The following ZNF365 variants were observed in gnomAD, a reference collection of about 807,000 sequenced individuals.
ZNF365 encodes the protein protein ZNF365.
ZNF365 carries 22 observed loss-of-function variants against 35.0 expected under a neutral mutation model. That is an observed-to-expected ratio of 0.63 (90% CI 0.45 to 0.90). The LOEUF (loss-of-function observed/expected upper bound fraction) is 0.90, where lower values mean the gene tolerates loss of function less well. Ranked by LOEUF, ZNF365 falls within the 40% of genes least tolerant of loss-of-function variation. The pLI is 0.00. For missense variants in ZNF365, 448 were observed against 500.3 expected, an observed-to-expected ratio of 0.90 and a Z score of 1.00; for synonymous variants, 188 against 196.2, an observed-to-expected ratio of 0.96 and a Z score of 0.35.
Position 62,388,510 on chromosome 10 carries a change from G to A in ZNF365, c.858G>A (p.Glu286=). ...TGTTACAGCGGGTAGAACTGGCGGA[G>A]AAGCAGCTTGAGTACTATCAGAGCC... ...ENLLQRVELA[E]KQLEYYQSQQ... Residue 286 remains glutamate (E), a synonymous_variant, in exon 3 of 5, where the codon GAG becomes GAA. Transcript: ENST00000395254. The A allele has an allele frequency of 6.2e-7, 1 of 1,614,204 alleles. No individual in the cohort carries two copies. The highest frequency in any genetic ancestry group is 8.5e-7 in the Non-Finnish European group (1 of 1,180,032).
At chr10:62,432,920 T>C (rs1363831806) in intron 3 of ZNF365, among the ~76,000 whole-genome samples, 1 of 152,194 alleles carries the variant, frequency 6.6e-6, no homozygotes, top group Non-Finnish European at 1.5e-5. Flanking sequence ...CATGGAGATC[T>C]TTCCCAGTAA....
chr10:62,405,969 A>G (rs1458305445), downstream of ZNF365, among the ~76,000 whole-genome samples: 3 of 152,218 alleles, frequency 2.0e-5, no homozygotes, highest in Non-Finnish European at 2.9e-5. Flanking sequence ...CACTTCTCAT[A>G]TAGTCCTAAA....
chr10:62,386,677 C>T (rs1003146723), intron 2 of ZNF365, among the ~76,000 whole-genome samples: 3 of 152,202 alleles, frequency 2.0e-5, no homozygotes, highest in African/African-American at 7.2e-5. Flanking sequence ...AAAAGTGGCA[C>T]ACTGACTATT....
intron 3 of ZNF365, among the ~76,000 whole-genome samples, chr10:62,398,481 T>G (rs1350564982): frequency 1.3e-5 from 2 of 152,158 alleles, no homozygotes; most frequent in Non-Finnish European, 2.9e-5. Context: ...TGTTTGAGAT[T>G]TTTGAGATCT....
At chr10:62,449,875 C>T (rs1589460127) in intron 3 of ZNF365, among the ~76,000 whole-genome samples, 1 of 150,174 alleles carries the variant, frequency 6.7e-6, no homozygotes, top group African/African-American at 2.5e-5. Context: ...TAAATCTTGA[C>T]TGACCAGATC....
chr10:62,443,016 T>G (rs1184978244), intron 3 of ZNF365, among the ~76,000 whole-genome samples: 3 of 152,202 alleles, frequency 2.0e-5, no homozygotes, highest in East Asian at 3.9e-4. Flanking sequence ...TCAACAGTGC[T>G]CCCTGCAAGG....
At chr10:62,422,253 A>G (rs377477375) in intron 3 of ZNF365, among the ~76,000 whole-genome samples, 1 of 152,150 alleles carries the variant, frequency 6.6e-6, no homozygotes, top group South Asian at 2.1e-4. Flanking sequence ...TGAAACTTCT[A>G]GGGTTGGGTA....
At position 62,388,399 on chromosome 10, in the gene ZNF365, AGTT is replaced by A; in HGVS notation, c.750_752del (p.Val251del). The A allele has an allele frequency of 6.2e-7, 1 of 1,614,208 alleles. No homozygotes were observed. Among genetic ancestry groups the A allele is most frequent in the Non-Finnish European group, 8.5e-7 (1 of 1,180,034 alleles). On this transcript the variant is annotated inframe_deletion, in exon 3 of 5. Transcript: ENST00000395254. ...TTCTGACATTTTTGCCTTGCAGAGAAGTTGTCACATTCAACCATTTCCTGGAAG... is the reference window on the plus strand; with the variant it reads ...TTCTGACATTTTTGCCTTGCAGAGAAGTCACATTCAACCATTTCCTGGAAG...
chr10:62,467,955 T>A (rs1487748978), intron 4 of ZNF365, among the ~76,000 whole-genome samples: 1 of 152,170 alleles, frequency 6.6e-6, no homozygotes, highest in Admixed American at 6.5e-5. Flanking sequence ...AGGAGCAGAA[T>A]ATACCCATTA....
At chr10:62,438,361 T>C (rs1840440977) in intron 3 of ZNF365, among the ~76,000 whole-genome samples, 1 of 151,982 alleles carries the variant, frequency 6.6e-6, no homozygotes. Flanking sequence ...CTAATTTTTG[T>C]ATTTTTAGTA....
chr10:62,396,800 G>A (rs1839735539), intron 3 of ZNF365, among the ~76,000 whole-genome samples: 2 of 152,102 alleles, frequency 1.3e-5, no homozygotes, highest in African/African-American at 2.4e-5. Context: ...CCAAAGAGCA[G>A]TATGTATACA....
intron 4 of ZNF365, among the ~76,000 whole-genome samples, chr10:62,464,979 A>G (rs1413745854): frequency 6.6e-6 from 1 of 152,194 alleles, no homozygotes; most frequent in Non-Finnish European, 1.5e-5. Flanking sequence ...CCTGCACCCT[A>G]TCAAGTTGGT....
intron 2 of ZNF365, 114 bp downstream of exon 2, chr10:62,377,050 C>A (rs916769705): frequency 5.2e-5 from 70 of 1,343,476 alleles, no homozygotes; most frequent in Middle Eastern, 5.4e-4. Context: ...GCCTTGACTG[C>A]ATTTCTTATT....
chr10:62,429,528 T>C (rs1353327820), intron 3 of ZNF365, among the ~76,000 whole-genome samples: 1 of 152,148 alleles, frequency 6.6e-6, no homozygotes, highest in African/African-American at 2.4e-5. Flanking sequence ...TTATGTGAGA[T>C]TGGGGGCAGG....
chr10:62,379,024 ATTT>A (rs35163241), intron 2 of ZNF365, among the ~76,000 whole-genome samples: 3 of 138,984 alleles, frequency 2.2e-5, no homozygotes, highest in Non-Finnish European at 1.5e-5. Flanking sequence ...TTACGAGTTG[ATTT>A]TTTTTTTTTT....
At chr10:62,461,799 T>C (rs1023552811) in intron 4 of ZNF365, among the ~76,000 whole-genome samples, 4 of 152,188 alleles carry the variant, frequency 2.6e-5, no homozygotes, top group Non-Finnish European at 5.9e-5. Flanking sequence ...AAAAAAATCT[T>C]ACAAAAAAAT....
intron 3 of ZNF365, among the ~76,000 whole-genome samples, chr10:62,446,667 T>C (rs1840594515): frequency 6.6e-6 from 1 of 152,158 alleles, no homozygotes; most frequent in African/African-American, 2.4e-5. Context: ...AATGAATGGC[T>C]ATAAAATTTT....
intron 4 of ZNF365, among the ~76,000 whole-genome samples, chr10:62,476,298 T>C (rs532029094): frequency 6.6e-6 from 1 of 152,330 alleles, no homozygotes; most frequent in Admixed American, 6.5e-5. Context: ...CTAAGTTTGA[T>C]AGAGTTTCTA....
At chr10:62,453,728 T>TA (rs1259006705) in intron 3 of ZNF365, among the ~76,000 whole-genome samples, 2 of 152,254 alleles carry the variant, frequency 1.3e-5, no homozygotes, top group Non-Finnish European at 2.9e-5. Context: ...AAAGAAATTC[T>TA]ACTTCTATAG....
Sources: gnomAD v4.1 joint callset for allele counts (sites outside exome capture counted in the v4.1 genomes callset) on GRCh38, gnomAD v4.1.1 for gene constraint, MANE v1.5 for transcripts, NCBI Gene and HGNC (gene_info 2026-07-23, HGNC 2026-07-21) for gene names.